PVT1: variants seen among roughly 807,000 people sequenced by gnomAD.
PVT1 encodes Pvt1 oncogene.
At chr8:128,093,047 A>C (rs1291886535) in intron 5 of PVT1, among the ~76,000 whole-genome samples, 1 of 152,116 alleles carries the variant, frequency 6.6e-6, no homozygotes, top group Non-Finnish European at 1.5e-5. Context: ...TAATATATAT[A>C]TGCAACTTTA....
intron 4 of PVT1, among the ~76,000 whole-genome samples, chr8:128,057,766 C>T (rs980901354): frequency 2.0e-5 from 3 of 152,084 alleles, no homozygotes; most frequent in Admixed American, 1.3e-4. Flanking sequence ...ATTAAATCTC[C>T]CCCACGGTGT....
chr8:128,041,440 TGTATGTGTTTGGC>T (rs1813538868), intron 4 of PVT1, among the ~76,000 whole-genome samples: 25 of 150,924 alleles, frequency 1.7e-4, no homozygotes, highest in South Asian at 4.2e-4. Context: ...TGTGTGCATG[TGTATGTGTTTGGC>T]GTGTATATGT....
intron 3 of PVT1, among the ~76,000 whole-genome samples, chr8:127,902,582 C>G (rs990703880): frequency 6.6e-6 from 1 of 152,108 alleles, no homozygotes; most frequent in South Asian, 2.1e-4. Flanking sequence ...CCTTGTCCCC[C>G]TCTTTTCCTC....
chr8:127,960,283 T>C (rs1816624500), intron 3 of PVT1, among the ~76,000 whole-genome samples: 1 of 152,112 alleles, frequency 6.6e-6, no homozygotes, highest in Non-Finnish European at 1.5e-5. Context: ...TTGTCCCAGG[T>C]CACACAGCTT....
At chr8:127,984,994 T>TTCC (rs1563657746) in intron 3 of PVT1, among the ~76,000 whole-genome samples, 5,928 of 67,104 alleles carry the variant, frequency 0.088, 841 homozygotes, top group Middle Eastern at 0.19. Flanking sequence ...TTTCTTTCTC[T>TTCC]TTCCTTCCTT....
chr8:127,970,301 T>TTG lies in PVT1; in HGVS notation n.783-18860_783-18859insGT, dbSNP rs1563653371. 2.2e-3 allele frequency among the ~76,000 whole-genome samples: 269 copies of TTG among 124,346 alleles called. 5 individuals are homozygous for TTG. Among genetic ancestry groups the TTG allele is most frequent in the African/African-American group, 7.7e-3 (259 of 33,564 alleles). 81.6% of individuals were successfully genotyped at this position (124,346 alleles called of 152,430 possible). ...TCTGCCATGATTTGTTTTTTTTTTT[T>TTG]TTTTTTTTTTTTTTGAGATAGAGTC... is the stretch of plus-strand genomic sequence containing the variant. On this transcript the variant is annotated intron_variant and non_coding_transcript_variant, in intron 3 of 10. Transcript: ENST00000651587.
intron 3 of PVT1, among the ~76,000 whole-genome samples, chr8:127,954,487 G>A (rs1262864357): frequency 6.6e-6 from 1 of 152,026 alleles, no homozygotes; most frequent in Non-Finnish European, 1.5e-5. Flanking sequence ...TAGAGATGGG[G>A]TTTCACTATG....
chr8:128,086,508 G>A (rs545869143), intron 5 of PVT1, among the ~76,000 whole-genome samples: 2 of 152,142 alleles, frequency 1.3e-5, no homozygotes, highest in Non-Finnish European at 2.9e-5. Context: ...AGACACCAGA[G>A]CCTGTACTTA....
chr8:128,058,535 A>C (rs1472483), intron 4 of PVT1, among the ~76,000 whole-genome samples: 51,247 of 151,994 alleles, frequency 0.34, 9,629 homozygotes, highest in East Asian at 0.6. Flanking sequence ...TGGACACCAG[A>C]CTTCACCGTT....
intron 2 of PVT1, among the ~76,000 whole-genome samples, chr8:127,836,212 C>G (rs768674084): frequency 2.0e-5 from 3 of 152,286 alleles, no homozygotes; most frequent in African/African-American, 7.2e-5. Context: ...GACTCCTCCC[C>G]TAGAGAAAAG....
intron 4 of PVT1, among the ~76,000 whole-genome samples, chr8:128,060,209 T>A (rs1387273281): frequency 6.6e-6 from 1 of 152,140 alleles, no homozygotes; most frequent in Non-Finnish European, 1.5e-5. Flanking sequence ...TGAGCCCAGA[T>A]AATGCCACTG....
chr8:127,880,437 T>G (rs1172086259), intron 2 of PVT1, among the ~76,000 whole-genome samples: 1 of 150,106 alleles, frequency 6.7e-6, no homozygotes, highest in South Asian at 2.1e-4. Context: ...CTACAGGCGC[T>G]CGCCACCACG....
intron 2 of PVT1, among the ~76,000 whole-genome samples, chr8:127,824,618 T>G (rs1395259116): frequency 2.0e-5 from 3 of 152,260 alleles, no homozygotes; most frequent in Non-Finnish European, 4.4e-5. Context: ...GCATTTTTCT[T>G]TTTTTCTTTG....
chr8:127,932,816 G>A (rs906370418), intron 3 of PVT1: 16 of 268,926 alleles, frequency 5.9e-5, no homozygotes, highest in East Asian at 3.0e-4. Context: ...ACACACACAC[G>A]TACATGCATG....
chr8:127,854,178 G>T (rs999707534), intron 2 of PVT1, among the ~76,000 whole-genome samples: 5 of 152,218 alleles, frequency 3.3e-5, no homozygotes, highest in Non-Finnish European at 7.3e-5. Context: ...TTACCCTGGC[G>T]CAGGGACAGG....
chr8:127,816,382 G>A (rs1291860560), intron 2 of PVT1, among the ~76,000 whole-genome samples: 1 of 151,330 alleles, frequency 6.6e-6, no homozygotes, highest in Non-Finnish European at 1.5e-5. Flanking sequence ...TCCTGGGCTC[G>A]AGAGATCCTC....
At chr8:127,862,150 G>A (rs1203010190) in intron 2 of PVT1, among the ~76,000 whole-genome samples, 1 of 152,220 alleles carries the variant, frequency 6.6e-6, no homozygotes, top group African/African-American at 2.4e-5. Flanking sequence ...GCTCACGCCT[G>A]TAATCCCAGC....
Position 127,888,016 on chromosome 8 carries a change from C to CT in PVT1, n.373-2572dup, listed in dbSNP as rs1400681655. Among the ~76,000 whole-genome samples the CT allele has an allele frequency of 3.1e-5, 4 of 130,088 alleles. No homozygotes were observed. In the East Asian group the frequency reaches 1.1e-3, roughly 35 times the overall value. The allele number at this position is 130,088 out of a possible 152,430, so 85.3% of individuals were successfully genotyped here. ...AGTGCAGTGGCATGATCTTGGCTCA[C>CT]TACAACCTCGGCCTCCTGGGTTCAA... On this transcript the variant is annotated intron_variant and non_coding_transcript_variant, in intron 2 of 10. Transcript: ENST00000651587.
chr8:127,830,022 G>T (rs1248667280), intron 2 of PVT1, among the ~76,000 whole-genome samples: 2 of 152,060 alleles, frequency 1.3e-5, no homozygotes, highest in African/African-American at 4.8e-5. Context: ...CTCTCTTCTT[G>T]TAATAATGCC....
Sources: gnomAD v4.1 joint callset for allele counts (sites outside exome capture counted in the v4.1 genomes callset) on GRCh38, gnomAD v4.1.1 for gene constraint, MANE v1.5 for transcripts, NCBI Gene and HGNC (gene_info 2026-07-23, HGNC 2026-07-21) for gene names.